The following DENND2B variants were observed in gnomAD, a reference collection of about 807,000 sequenced individuals.
The protein encoded by DENND2B is DENN domain-containing protein 2B.
A neutral mutation model predicts 116.0 loss-of-function variants in DENND2B; 32 were observed. That is an observed-to-expected ratio of 0.28 (90% CI 0.21 to 0.37). The LOEUF is 0.37. DENND2B is among the 10% of genes least tolerant of loss of function. The pLI is 1.00. For missense variants in DENND2B, 1,276 were observed against 1,477.7 expected, an observed-to-expected ratio of 0.86 and a Z score of 2.24; for synonymous variants, 588 against 583.9, an observed-to-expected ratio of 1.01 and a Z score of -0.10.
rs549957187 is a variant in DENND2B, at chr11:8,798,874, C to G, written c.-26+11643G>C. ...CGGAGTTTCACTCTTGTTGCCCAGG[C>G]TGGAGTGAAACAGCACAATCTCAGC... On this transcript the variant is annotated intron_variant, in intron 1 of 19. Transcript: ENST00000313726. 4.9e-5 allele frequency among the ~76,000 whole-genome samples: 7 copies of G among 143,456 alleles called. No individual in the cohort carries two copies. In the East Asian group the frequency reaches 1.5e-3, roughly 30 times the overall value. The allele number at this position is 143,456 out of a possible 152,430, so 94.1% of individuals were successfully genotyped here.
intron 2 of DENND2B, among the ~76,000 whole-genome samples, chr11:8,878,719 G>A (rs757082939): frequency 6.6e-6 from 1 of 152,244 alleles, no homozygotes; most frequent in African/African-American, 2.4e-5. Context: ...CTATACAGTG[G>A]AATATTATTT....
chr11:8,826,793 T>TA (rs1376613581), intron 4 of DENND2B, among the ~76,000 whole-genome samples: 2 of 152,258 alleles, frequency 1.3e-5, no homozygotes, highest in Non-Finnish European at 2.9e-5. Context: ...GGGCCCATCC[T>TA]ATGTTTCTGC....
chr11:8,852,304 T>C (rs534871652), intron 3 of DENND2B, among the ~76,000 whole-genome samples: 3 of 152,200 alleles, frequency 2.0e-5, no homozygotes, highest in South Asian at 4.1e-4. Flanking sequence ...GAAGAATCAA[T>C]AAAGAGCTTT....
At chr11:8,734,791 CAAAAAAAAAAAAAA>C (rs11339783) in intron 2 of DENND2B, among the ~76,000 whole-genome samples, 1 of 98,536 alleles carries the variant, frequency 1.0e-5, no homozygotes, top group Non-Finnish European at 1.9e-5. Context: ...ACAAGAGTCT[CAAAAAAAAAAAAAA>C]AAAAAAGAAA....
At chr11:8,905,391 T>G (rs1397770188) in intron 1 of DENND2B, among the ~76,000 whole-genome samples, 2 of 152,110 alleles carry the variant, frequency 1.3e-5, no homozygotes, top group Non-Finnish European at 2.9e-5. Context: ...TAAAAATTAA[T>G]GCAAAATGGC....
intron 2 of DENND2B, among the ~76,000 whole-genome samples, chr11:8,748,496 A>G (rs1397510659): frequency 6.6e-6 from 1 of 152,190 alleles, no homozygotes; most frequent in African/African-American, 2.4e-5. Flanking sequence ...AAGGCAGCCA[A>G]AGAAACCACC....
At chr11:8,908,217 A>G (rs916940010) in intron 1 of DENND2B, among the ~76,000 whole-genome samples, 4 of 152,190 alleles carry the variant, frequency 2.6e-5, no homozygotes, top group African/African-American at 9.7e-5. Context: ...ACACACAAAA[A>G]ATTTTTTTAA....
At chr11:8,867,573 C>CTTTTTTTTT (rs33990941) in intron 2 of DENND2B, among the ~76,000 whole-genome samples, 7 of 89,244 alleles carry the variant, frequency 7.8e-5, no homozygotes, top group Non-Finnish European at 1.0e-4. Context: ...TAAAATTCAG[C>CTTTTTTTTT]TTTTTTTTTT....
intron 1 of DENND2B, chr11:8,771,566 A>AGAGAGAGAGAGAGCGAGC (rs146752028): frequency 1.1e-4 from 13 of 120,308 alleles, no homozygotes; most frequent in Non-Finnish European, 2.3e-4. Flanking sequence ...AGAGAGAGAG[A>AGAGAGAGAGAGAGCGAGC]GCCTTCTTCC....
intron 4 of DENND2B, among the ~76,000 whole-genome samples, chr11:8,819,003 C>T (rs1367369493): frequency 6.6e-6 from 1 of 152,126 alleles, no homozygotes; most frequent in Non-Finnish European, 1.5e-5. Flanking sequence ...AGAACAAAGC[C>T]AGCTACTAAC....
At position 8,729,968 on chromosome 11, in the gene DENND2B, T is replaced by C. The variant is rs2047822732; in HGVS notation, c.1322A>G (p.His441Arg). The part of the protein sequence containing the change: ...TRRPKKDMRG[H>R]RKSQSRKSFE... ...GCATTACCTGCTCTGGGACTTGCGG[T>C]GACCACGCATGTCCTTCTTGGGTCT... Residue 441 changes from histidine to arginine, a missense_variant, in exon 3 of 20, where the codon CAC (histidine) becomes CGC (arginine). His to Arg is a conservative substitution (Grantham distance 29). Transcript: ENST00000313726. The C allele has an allele frequency of 1.2e-6, 2 of 1,613,988 alleles. No homozygotes were observed. Among genetic ancestry groups the C allele is most frequent in the Admixed American group, 1.7e-5 (1 of 60,002 alleles).
chr11:8,849,325 T>G (rs2062922266), intron 3 of DENND2B, among the ~76,000 whole-genome samples: 1 of 150,718 alleles, frequency 6.6e-6, no homozygotes, highest in Admixed American at 6.6e-5. Context: ...AAACCCCGTC[T>G]CTACTAAAAA....
At chr11:8,811,358 C>T, upstream of DENND2B, 1 of 398,618 alleles carries the variant, frequency 2.5e-6, no homozygotes, top group Non-Finnish European at 4.4e-6. Flanking sequence ...GCAAAGACAA[C>T]TCGGTCAGGA....
intron 14 of DENND2B, among the ~76,000 whole-genome samples, chr11:8,701,830 G>A (rs556598815): frequency 6.7e-4 from 101 of 151,672 alleles, no homozygotes; most frequent in Admixed American, 2.8e-3. Context: ...AGACCTTCTC[G>A]ACACCTCTAC....
chr11:8,907,031 A>C (rs1358224463), intron 1 of DENND2B, among the ~76,000 whole-genome samples: 1 of 59,786 alleles, frequency 1.7e-5, no homozygotes, highest in Admixed American at 2.7e-4. Context: ...ATTGCTCTTC[A>C]CTGGACTTGT....
At chr11:8,717,561 T>C (rs1416601526) in intron 5 of DENND2B, among the ~76,000 whole-genome samples, 180 bp downstream of exon 5, 1 of 152,190 alleles carries the variant, frequency 6.6e-6, no homozygotes, top group East Asian at 1.9e-4. Context: ...AGTCCTTTGC[T>C]GAGGAGACCT....
Position 8,828,776 on chromosome 11 carries a change from G to C in DENND2B, c.-115+10534C>G, listed in dbSNP as rs77744391. On this transcript the variant is annotated intron_variant, in intron 4 of 6. Coordinates refer to the DENND2B transcript ENST00000524757. The stretch of plus-strand genomic sequence containing the variant: ...AGAAGATTCCACGCTGCTTTGCTGC[G>C]GTCATGTCTGAGTTTACCCAAGAGG... 4.6e-5 allele frequency among the ~76,000 whole-genome samples: 7 copies of C among 152,276 alleles called. No homozygotes were observed. In the East Asian group the frequency reaches 1.3e-3, roughly 29 times the overall value.
At chr11:8,765,592 G>C (rs1565893517) in intron 1 of DENND2B, among the ~76,000 whole-genome samples, 1 of 152,188 alleles carries the variant, frequency 6.6e-6, no homozygotes, top group Non-Finnish European at 1.5e-5. Flanking sequence ...AATCAATCTG[G>C]TTCCAAGGTC....
intron 2 of DENND2B, among the ~76,000 whole-genome samples, chr11:8,867,560 T>G (rs1302066287): frequency 6.7e-6 from 1 of 149,938 alleles, no homozygotes; most frequent in African/African-American, 2.4e-5. Context: ...TAGTACCAAG[T>G]TTTAAAATTC....
Sources: allele counts gnomAD v4.1 joint callset (sites outside exome capture counted in the v4.1 genomes callset), GRCh38; gene constraint gnomAD v4.1.1; transcripts MANE v1.5; gene names NCBI Gene and HGNC (gene_info 2026-07-23, HGNC 2026-07-21).